Variants in ATOSA observed in about 807,000 individuals in gnomAD.
ATOSA encodes the protein atos homolog A, also known as atos homolog protein A.
chr15:52,652,892 C>A, the ATOSA span, among the ~76,000 whole-genome samples: 1 of 152,108 alleles, frequency 6.6e-6, no homozygotes, highest in Non-Finnish European at 1.5e-5. Flanking sequence ...CAAACTTTAA[C>A]AGCAAAAATC....
the ATOSA span, among the ~76,000 whole-genome samples, chr15:52,705,961 A>T: frequency 6.6e-6 from 1 of 152,170 alleles, no homozygotes; most frequent in Non-Finnish European, 1.5e-5. Flanking sequence ...AATATACCAT[A>T]ATTTATTTAC....
At chr15:52,664,846 A>T in the ATOSA span, among the ~76,000 whole-genome samples, 1 of 150,074 alleles carries the variant, frequency 6.7e-6, no homozygotes, top group South Asian at 2.2e-4. Context: ...GCTGAGGTGG[A>T]GGGATTACTT....
At chr15:52,685,028 A>G in the ATOSA span, among the ~76,000 whole-genome samples, 3 of 152,262 alleles carry the variant, frequency 2.0e-5, no homozygotes, top group Non-Finnish European at 4.4e-5. Flanking sequence ...GTAGTACTTT[A>G]GATATGTTGG....
At chr15:52,619,272 T>A in the ATOSA span, among the ~76,000 whole-genome samples, 3 of 152,168 alleles carry the variant, frequency 2.0e-5, no homozygotes, top group Non-Finnish European at 4.4e-5. Flanking sequence ...AAAATTTTTT[T>A]AAAGAAAAGT....
chr15:52,709,558 T>C, the ATOSA span, among the ~76,000 whole-genome samples: 1,092 of 152,306 alleles, frequency 7.2e-3, 16 homozygotes, highest in African/African-American at 0.025. Context: ...TTCCCAAGAC[T>C]GCACGCAGCT....
At chr15:52,607,198 C>T in the ATOSA span, among the ~76,000 whole-genome samples, 1,922 of 152,192 alleles carry the variant, frequency 0.013, 50 homozygotes, top group African/African-American at 0.044. Context: ...AGGACTAGAA[C>T]TCAGGTGTTT....
At chr15:52,631,463 T>C in the ATOSA span, among the ~76,000 whole-genome samples, 1 of 152,192 alleles carries the variant, frequency 6.6e-6, no homozygotes, top group Non-Finnish European at 1.5e-5. Context: ...TGAAGAATTA[T>C]GGTATAAAGG....
At chr15:52,679,817 C>CT in the ATOSA span, among the ~76,000 whole-genome samples, 1 of 120,666 alleles carries the variant, frequency 8.3e-6, no homozygotes, top group Non-Finnish European at 1.7e-5. Context: ...CCTTCCCCCC[C>CT]TCCTCCTCCT....
the ATOSA span, chr15:52,608,725 T>C: frequency 1.9e-6 from 3 of 1,612,398 alleles, no homozygotes; most frequent in Non-Finnish European, 2.5e-6. Flanking sequence ...ACCTTCATTA[T>C]CTTTATTGAG....
chr15:52,676,205 C>T, the ATOSA span, among the ~76,000 whole-genome samples: 1 of 151,768 alleles, frequency 6.6e-6, no homozygotes, highest in Non-Finnish European at 1.5e-5. Context: ...TTCAATTATC[C>T]AGAAAATTCA....
At chr15:52,586,386 A>C in the ATOSA span, 1 of 152,246 alleles carries the variant, frequency 6.6e-6, no homozygotes, top group African/African-American at 2.4e-5. Context: ...CTGACAAAGT[A>C]CTGAACACAC....
At chr15:52,658,654 A>T in the ATOSA span, 1 of 397,992 alleles carries the variant, frequency 2.5e-6, no homozygotes, top group Non-Finnish European at 4.4e-6. Flanking sequence ...AAAATATAGG[A>T]GACCACCACA....
At chr15:52,646,995 C>A in the ATOSA span, among the ~76,000 whole-genome samples, 1 of 152,018 alleles carries the variant, frequency 6.6e-6, no homozygotes, top group African/African-American at 2.4e-5. Context: ...AACATATACA[C>A]CAATGCAATG....
chr15:52,678,297 A>AC, the ATOSA span: 2 of 588,658 alleles, frequency 3.4e-6, no homozygotes, highest in Non-Finnish European at 6.0e-6. Flanking sequence ...CGGATCGAGC[A>AC]CCCCCTTCCC....
the ATOSA span, among the ~76,000 whole-genome samples, chr15:52,672,657 A>C: frequency 6.6e-6 from 1 of 152,176 alleles, no homozygotes; most frequent in Non-Finnish European, 1.5e-5. Context: ...TTTTTTCTAT[A>C]TTTGTTCACA....
chr15:52,619,648 T>A, the ATOSA span, among the ~76,000 whole-genome samples: 3 of 151,762 alleles, frequency 2.0e-5, no homozygotes, highest in Admixed American at 6.6e-5. Flanking sequence ...GCCTGACCAA[T>A]ATGGTGAAAC....
the ATOSA span, among the ~76,000 whole-genome samples, chr15:52,692,121 AG>A: frequency 6.6e-6 from 1 of 152,224 alleles, no homozygotes; most frequent in Non-Finnish European, 1.5e-5. Flanking sequence ...CTATAAACAG[AG>A]AAACAAAAAT....
chr15:52,705,005 T>C, the ATOSA span, among the ~76,000 whole-genome samples: 1 of 152,198 alleles, frequency 6.6e-6, no homozygotes. Flanking sequence ...CATTACTGGG[T>C]ATATACCCAA....
At chr15:52,594,040 T>A in the ATOSA span, among the ~76,000 whole-genome samples, 1 of 152,196 alleles carries the variant, frequency 6.6e-6, no homozygotes, top group African/African-American at 2.4e-5. Context: ...TTAGGCCTAA[T>A]TGTTTACTAT....
Sources: gnomAD v4.1 joint callset for allele counts (sites outside exome capture counted in the v4.1 genomes callset) on GRCh38, gnomAD v4.1.1 for gene constraint, MANE v1.5 for transcripts, NCBI Gene and HGNC (gene_info 2026-07-23, HGNC 2026-07-21) for gene names.